Variants in LSS observed in about 807,000 individuals in gnomAD.
The protein encoded by LSS is lanosterol synthase.
Under a neutral mutation model 110.3 loss-of-function variants are expected in LSS, and 90 were observed. The ratio of observed to expected loss-of-function variants is 0.82; its 90% CI spans 0.69 to 0.97. The LOEUF is 0.97. Among genes scored for constraint, LSS ranks in the 50% least tolerant of loss-of-function variants. The pLI is 0.00. For synonymous variants in LSS, 433 were observed against 400.0 expected (o/e 1.08, Z -0.98); for missense variants, 927 against 990.0 (o/e 0.94, Z 0.85).
chr21:46,212,920 C>A (rs1282223486), intron 11 of LSS, 105 bp downstream of exon 11: 2 of 1,409,268 alleles, frequency 1.4e-6, no homozygotes, highest in African/African-American at 1.4e-5. Context: ...CGCACGCTGC[C>A]GGGACCTGGT....
chr21:46,228,290 C>T, intron 2 of LSS, 144 bp downstream of exon 2: 1 of 864,432 alleles, frequency 1.2e-6, no homozygotes, highest in Non-Finnish European at 1.7e-6. Context: ...GAGGGGCCCG[C>T]GAACGCAGTT....
At chr21:46,194,713 C>CTTCCTTCTCA (rs1569017742) in intron 19 of LSS, 52 bp from the exon 20 acceptor site, 2 of 1,558,766 alleles carry the variant, frequency 1.3e-6, no homozygotes, top group South Asian at 2.3e-5. Context: ...GGTCCCAGAC[C>CTTCCTTCTCA]CCTGGCTTCT....
intron 19 of LSS, 104 bp from the exon 20 acceptor site, chr21:46,194,765 C>CGA: frequency 8.7e-7 from 1 of 1,146,680 alleles, no homozygotes; most frequent in Non-Finnish European, 1.2e-6. Flanking sequence ...GGAGCCTGCA[C>CGA]GATGGGGCCA....
chr21:46,218,415 G>A (rs1173331462), intron 6 of LSS, among the ~76,000 whole-genome samples: 1 of 152,116 alleles, frequency 6.6e-6, no homozygotes, highest in East Asian at 1.9e-4. Flanking sequence ...CCTGAGGTCA[G>A]GAGTTTGAGA....
intron 2 of LSS, among the ~76,000 whole-genome samples, chr21:46,228,003 G>A (rs558263803): frequency 6.6e-6 from 1 of 152,152 alleles, no homozygotes; most frequent in African/African-American, 2.4e-5. Flanking sequence ...CCTGGGACTC[G>A]GGCCTCTCAA....
In LSS at chr21:46,211,251, G is replaced by A. The variant is rs140233907; in HGVS notation, c.1138-507C>T. Reference sequence around the variant, plus strand: ...ACGCCATTCTCCTGCCTCAGCCTCCGGAGTAGCTGGGATTACAGGCTCCTG... The same window carrying A: ...ACGCCATTCTCCTGCCTCAGCCTCCAGAGTAGCTGGGATTACAGGCTCCTG... On this transcript the variant is annotated intron_variant, in intron 11 of 21. Transcript: ENST00000397728. Among the ~76,000 whole-genome samples the A allele has an allele frequency of 4.6e-5, 7 of 152,202 alleles. No homozygotes were observed. The South Asian group carries it at 6.2e-4, about 14-fold the overall frequency.
At chr21:46,205,237 G>A (rs972752649) in intron 17 of LSS, among the ~76,000 whole-genome samples, 1 of 152,176 alleles carries the variant, frequency 6.6e-6, no homozygotes. Flanking sequence ...GTGTTCAACC[G>A]AAGGCCCGAG....
rs541140107 is a variant in LSS at position 46,194,756 on chromosome 21, G to A, written c.1818-95C>T. ...GCAGGCTGCCTTGGGGTACGGGGAG[G>A]AGCCTGCACGATGGGGCCACCCTAC... is the stretch of plus-strand genomic sequence containing the variant. On this transcript the variant is annotated intron_variant, in intron 19 of 21. Transcript: ENST00000397728. The A allele has an allele frequency of 3.1e-6, 4 of 1,279,248 alleles. No individual in the cohort carries two copies. In the African/African-American group the frequency reaches 4.5e-5, roughly 14 times the overall value. The allele number at this position is 1,279,248 out of a possible 1,614,324, so 79.2% of individuals were successfully genotyped here.
Position 46,216,449 on chromosome 21 carries a change from G to C in LSS, c.723C>G (p.Ser241Arg), listed in dbSNP as rs2080208429. Residue 241 changes from serine to arginine, a missense_variant, in exon 7 of 22, where the codon AGC becomes AGG. Coordinates refer to ENST00000397728, the MANE Select transcript of LSS (RefSeq NM_002340.6). This position sits in a 1 kb window ranked among gnomAD's most constrained non-coding sequence, Gnocchi z 4.2. ...CHCRQVYLPM[S>R]YCYAVRLSAA... ...CACTCAGCCGAACGGCGTAGCAGTA[G>C]CTCATGGGCAGGTACACCTGCCGGC... The C allele has an allele frequency of 6.2e-7, 1 of 1,613,682 alleles. No individual in the cohort carries two copies. The highest frequency in any genetic ancestry group is 8.5e-7 in the Non-Finnish European group (1 of 1,180,006).
chr21:46,225,397 C>G (rs568410476), intron 3 of LSS: 1 of 453,112 alleles, frequency 2.2e-6, no homozygotes, highest in African/African-American at 2.0e-5. Context: ...CGTGGTCTAG[C>G]GGTAGCGTCA....
chr21:46,195,987 T>TACAGTAC (rs1260224395), intron 18 of LSS, among the ~76,000 whole-genome samples: 1 of 152,252 alleles, frequency 6.6e-6, no homozygotes, highest in Non-Finnish European at 1.5e-5. Context: ...GCAGCCCGGC[T>TACAGTAC]GCGCCCAGCA....
rs2079907682 is a variant in LSS, at chr21:46,196,208, C to T, written c.1730G>A (p.Trp577Ter). The T allele has an allele frequency of 1.2e-6, 2 of 1,614,016 alleles. No homozygotes were observed. The highest frequency in any genetic ancestry group is 2.7e-5 in the African/African-American group (2 of 74,942). The change falls in exon 18 of 22, where the codon TGG becomes TAG. Residue 577 changes from tryptophan (W) to a stop codon, truncating the protein, a stop_gained. Coordinates refer to ENST00000397728, the MANE Select transcript of LSS (RefSeq NM_002340.6). LOFTEE classifies it high-confidence loss of function. Reference sequence around the variant, plus strand: ...CGAGTGGAGGCTCACTCACCCTTCCCAGGAGCCATCGGCCCTCTGCTGCCG... The same window carrying T: ...CGAGTGGAGGCTCACTCACCCTTCCTAGGAGCCATCGGCCCTCTGCTGCCG... ...CRRQQRADGS[W>*]EGSWGVCFTY...
intron 3 of LSS, 49 bp from the exon 4 acceptor site, chr21:46,222,787 G>A: frequency 7.1e-7 from 1 of 1,402,934 alleles, no homozygotes; most frequent in Non-Finnish European, 1.0e-6. Flanking sequence ...GGTCATGACT[G>A]CTAAGACCAG....
At chr21:46,197,152 C>T (rs2079920452) in intron 17 of LSS, among the ~76,000 whole-genome samples, 1 of 152,170 alleles carries the variant, frequency 6.6e-6, no homozygotes, top group African/African-American at 2.4e-5. Context: ...TGTTACTCGG[C>T]AACAGGTAAC....
At chr21:46,212,187 G>T (rs529891906) in intron 11 of LSS, among the ~76,000 whole-genome samples, 37 of 152,314 alleles carry the variant, frequency 2.4e-4, no homozygotes, top group African/African-American at 8.9e-4. Flanking sequence ...GAGCCTCTGG[G>T]GAGCTCAAGG....
At chr21:46,210,089 C>T (rs529557802) in intron 12 of LSS, among the ~76,000 whole-genome samples, 10 of 113,258 alleles carry the variant, frequency 8.8e-5, no homozygotes, top group Admixed American at 2.3e-4. Context: ...TTTTTTGAGA[C>T]GGAGCCTCTC....
At chr21:46,228,694 C>A in intron 1 of LSS, 38 bp downstream of exon 1, 5 of 1,602,500 alleles carry the variant, frequency 3.1e-6, no homozygotes, top group Non-Finnish European at 4.2e-6. Flanking sequence ...CCTAGGACCA[C>A]CCCGCATTCG....
At chr21:46,195,624 C>T in intron 19 of LSS, 52 bp downstream of exon 19, 1 of 1,478,250 alleles carries the variant, frequency 6.8e-7, no homozygotes, top group Admixed American at 1.7e-5. Context: ...ACACTCATGA[C>T]AGAGCATTGG....
Position 46,191,960 on chromosome 21 carries a change from C to T in LSS, c.1989-1G>A. 3.1e-6 allele frequency: 5 copies of T among 1,612,156 alleles called. No homozygotes were observed. The highest frequency in any genetic ancestry group is 4.2e-6 in the Non-Finnish European group (5 of 1,178,780). On this transcript the variant is annotated splice_acceptor_variant, in intron 20 of 21. Coordinates refer to ENST00000397728, the MANE Select transcript of LSS (RefSeq NM_002340.6). LOFTEE classifies it high-confidence loss of function. Reference sequence around the variant, plus strand: ...CTCCTGGGCCTCGATGTCAGGATGCCTGGTGGAAGAGAAGGCTGAAACACA... The same window carrying T: ...CTCCTGGGCCTCGATGTCAGGATGCTTGGTGGAAGAGAAGGCTGAAACACA...
Sources: gnomAD v4.1 joint callset for allele counts (sites outside exome capture counted in the v4.1 genomes callset) on GRCh38, gnomAD v4.1.1 for gene constraint, Gnocchi (gnomAD v3.1) non-coding constraint, MANE v1.5 for transcripts, NCBI Gene and HGNC (gene_info 2026-07-23, HGNC 2026-07-21) for gene names.